Variants in SH3PXD2B observed in about 807,000 individuals in gnomAD.
SH3PXD2B encodes the protein SH3 and PX domain-containing protein 2B.
SH3PXD2B carries 37 observed loss-of-function variants against 73.1 expected under a neutral mutation model. The ratio of observed to expected loss-of-function variants is 0.51; its 90% CI spans 0.39 to 0.67. The LOEUF (loss-of-function observed/expected upper bound fraction) is 0.67, where lower values mean the gene tolerates loss of function less well. Ranked by LOEUF, SH3PXD2B falls within the 30% of genes least tolerant of loss-of-function variation. The pLI is 0.00. For missense variants in SH3PXD2B, 1,053 were observed against 1,197.8 expected, an observed-to-expected ratio of 0.88 and a Z score of 1.78; for synonymous variants, 457 against 480.5, an observed-to-expected ratio of 0.95 and a Z score of 0.64.
chr5:172,354,323 C>T (rs182633446), intron 8 of SH3PXD2B, among the ~76,000 whole-genome samples: 138 of 152,300 alleles, frequency 9.1e-4, no homozygotes, highest in Admixed American at 3.1e-3. Flanking sequence ...CCCCTTATCC[C>T]GGTTTATTGC....
chr5:172,424,333 C>G (rs1005958102), intron 1 of SH3PXD2B, among the ~76,000 whole-genome samples: 1 of 152,160 alleles, frequency 6.6e-6, no homozygotes, highest in African/African-American at 2.4e-5. Context: ...AGGATTTAGA[C>G]AGCAGGAGAG....
chr5:172,437,636 C>A (rs77937633), intron 1 of SH3PXD2B, among the ~76,000 whole-genome samples: 1 of 152,252 alleles, frequency 6.6e-6, no homozygotes. Flanking sequence ...TCAGGCTCTG[C>A]AGCAAGTGAC....
At chr5:172,351,620 CAG>C (rs1382725230) in intron 9 of SH3PXD2B, among the ~76,000 whole-genome samples, 1 of 152,132 alleles carries the variant, frequency 6.6e-6, no homozygotes, top group African/African-American at 2.4e-5. Context: ...CACTGTAACT[CAG>C]AGTATTTTTC....
chr5:172,419,425 G>A (rs1319581044), intron 2 of SH3PXD2B, among the ~76,000 whole-genome samples: 1 of 152,120 alleles, frequency 6.6e-6, no homozygotes, highest in African/African-American at 2.4e-5. Context: ...AGGGCCCTTA[G>A]GACAATCAGA....
At chr5:172,438,278 G>A (rs558509128) in intron 1 of SH3PXD2B, among the ~76,000 whole-genome samples, 26 of 152,284 alleles carry the variant, frequency 1.7e-4, no homozygotes, top group Non-Finnish European at 5.9e-5. Flanking sequence ...CCCACTCTCT[G>A]AGTTCCCACA....
intron 4 of SH3PXD2B, among the ~76,000 whole-genome samples, chr5:172,386,847 C>CA (rs1383766017): frequency 6.6e-6 from 1 of 152,202 alleles, no homozygotes; most frequent in Non-Finnish European, 1.5e-5. Context: ...AGGCCGGTCT[C>CA]AAACTGCTGG....
chr5:172,337,326 G>C lies in SH3PXD2B; in HGVS notation c.*1043C>G. 1.0e-6 allele frequency: 1 copy of C among 985,570 alleles called. No individual in the cohort carries two copies. Among genetic ancestry groups the C allele is most frequent in the South Asian group, 4.7e-5 (1 of 21,294 alleles). The allele number at this position is 985,570 out of a possible 1,614,324, so 61.1% of individuals were successfully genotyped here. ...CCTGGTTTGTCTTTTACAGAGGGGAGGGCACAGGCACTGAAGTCAGGCAGG... is the reference window on the plus strand; with the variant it reads ...CCTGGTTTGTCTTTTACAGAGGGGACGGCACAGGCACTGAAGTCAGGCAGG... On this transcript the variant is annotated 3_prime_UTR_variant, in exon 13 of 13. Coordinates refer to ENST00000311601, the MANE Select transcript of SH3PXD2B (RefSeq NM_001017995.3).
chr5:172,334,332 T>TA lies in SH3PXD2B; in HGVS notation c.*4036dup, dbSNP rs1756636603. 2.0e-6 allele frequency: 2 copies of TA among 995,792 alleles called. No individual in the cohort carries two copies. The highest frequency in any genetic ancestry group is 1.7e-5 in the African/African-American group (1 of 57,402). The allele number at this position is 995,792 out of a possible 1,614,324, so 61.7% of individuals were successfully genotyped here. ...TCTGCCTGGGACCCTCGTGGAAACTTACTCTAGTTAGGAGCAATTCCTCCA... is the reference window on the plus strand; with the variant it reads ...TCTGCCTGGGACCCTCGTGGAAACTTAACTCTAGTTAGGAGCAATTCCTCCA... On this transcript the variant is annotated 3_prime_UTR_variant, in exon 13 of 13. Coordinates refer to ENST00000311601, the MANE Select transcript of SH3PXD2B (RefSeq NM_001017995.3).
At chr5:172,342,117 A>G (rs1000870778) in intron 12 of SH3PXD2B, among the ~76,000 whole-genome samples, 3 of 152,168 alleles carry the variant, frequency 2.0e-5, no homozygotes, top group Admixed American at 2.0e-4. Context: ...CCAGGGAGAG[A>G]GGACACAGGA....
In SH3PXD2B at chr5:172,334,129, G is replaced by C; in HGVS notation, c.*4240C>G. ...TAAGAAGGCTTACTTTGGAGTCGAG[G>C]ATAGAAACGGGAAGATGGAATGTTG... On this transcript the variant is annotated 3_prime_UTR_variant, in exon 13 of 13. Transcript: ENST00000311601. The C allele has an allele frequency of 9.0e-7, 1 of 1,117,082 alleles. No individual in the cohort carries two copies. The highest frequency in any genetic ancestry group is 2.1e-5 in the South Asian group (1 of 47,878). The allele number at this position is 1,117,082 out of a possible 1,614,324, so 69.2% of individuals were successfully genotyped here.
intron 5 of SH3PXD2B, among the ~76,000 whole-genome samples, chr5:172,378,232 G>A (rs532259970): frequency 1.3e-5 from 2 of 152,348 alleles, no homozygotes; most frequent in Admixed American, 6.5e-5. Context: ...GTGTGTCTAA[G>A]TTGGTCTGAT....
At chr5:172,447,509 A>C (rs1463333823) in intron 1 of SH3PXD2B, among the ~76,000 whole-genome samples, 2 of 152,224 alleles carry the variant, frequency 1.3e-5, no homozygotes, top group Non-Finnish European at 2.9e-5. Flanking sequence ...TACCATTATC[A>C]AACCTCAATT....
In SH3PXD2B at chr5:172,335,514, T is replaced by C; in HGVS notation, c.*2855A>G. 2 of 1,231,704 alleles carry C rather than the reference T, an allele frequency of 1.6e-6. No homozygotes were observed. The highest frequency in any genetic ancestry group is 2.0e-6 in the Non-Finnish European group (2 of 987,960). 76.3% of individuals were successfully genotyped at this position (1,231,704 alleles called of 1,614,324 possible). ...ACCTTCTCCCTCTGAACCTTAATTT[T>C]CTCACTATAGATCAGGGCTGGTCCT... On this transcript the variant is annotated 3_prime_UTR_variant, in exon 13 of 13. Coordinates refer to ENST00000311601, the MANE Select transcript of SH3PXD2B (RefSeq NM_001017995.3).
chr5:172,367,441 T>C (rs996488129), intron 6 of SH3PXD2B, among the ~76,000 whole-genome samples: 1 of 150,180 alleles, frequency 6.7e-6, no homozygotes, highest in Non-Finnish European at 1.5e-5. Flanking sequence ...TTGCCCGGAC[T>C]GGTCTTGAAC....
chr5:172,445,889 T>C lies in SH3PXD2B; in HGVS notation c.75+8389A>G, dbSNP rs998369182. Among the ~76,000 whole-genome samples the C allele has an allele frequency of 6.6e-6, 1 of 152,106 alleles. No individual in the cohort carries two copies. The highest frequency in any genetic ancestry group is 2.4e-5 in the African/African-American group (1 of 41,430). On this transcript the variant is annotated intron_variant, in intron 1 of 12. Coordinates refer to ENST00000311601, the MANE Select transcript of SH3PXD2B (RefSeq NM_001017995.3). The surrounding 1 kb of genome is among the most constrained non-coding windows in gnomAD (Gnocchi z 5.2). ...AATAAGGGAGGAGAAAGTCCTGCAG[T>C]TTGGAGAATGGGGCAGAGGCCGATG...
chr5:172,413,912 T>C (rs1281316065), intron 2 of SH3PXD2B, among the ~76,000 whole-genome samples: 1 of 152,222 alleles, frequency 6.6e-6, no homozygotes, highest in Non-Finnish European at 1.5e-5. Flanking sequence ...TGGATAAATA[T>C]GGTTGGTGGA....
intron 4 of SH3PXD2B, among the ~76,000 whole-genome samples, chr5:172,387,636 C>A (rs1260246282): frequency 6.6e-6 from 1 of 152,140 alleles, no homozygotes; most frequent in African/African-American, 2.4e-5. Context: ...ATCATTCATG[C>A]AAAGAGATGT....
chr5:172,355,546 T>G (rs1757252337), intron 8 of SH3PXD2B, among the ~76,000 whole-genome samples: 1 of 151,094 alleles, frequency 6.6e-6, no homozygotes, highest in African/African-American at 2.4e-5. Flanking sequence ...GGATTTTCTT[T>G]TCTTTTTTTT....
At chr5:172,395,925 T>C (rs1182548101) in intron 3 of SH3PXD2B, among the ~76,000 whole-genome samples, 1 of 151,326 alleles carries the variant, frequency 6.6e-6, no homozygotes, top group African/African-American at 2.4e-5. Context: ...TCCTAGGAGG[T>C]TGGTTAAAAA....
Sources: gnomAD v4.1 joint callset for allele counts (sites outside exome capture counted in the v4.1 genomes callset) on GRCh38, gnomAD v4.1.1 for gene constraint, Gnocchi (gnomAD v3.1) non-coding constraint, MANE v1.5 for transcripts, NCBI Gene and HGNC (gene_info 2026-07-23, HGNC 2026-07-21) for gene names.